ASIC5: variants seen among roughly 807,000 people sequenced by gnomAD.
ASIC5 encodes the protein bile acid-sensitive ion channel.
Under a neutral mutation model 51.2 loss-of-function variants are expected in ASIC5, and 52 were observed. The observed-to-expected ratio is 1.02, with a 90% CI of 0.81 to 1.28. The LOEUF (loss-of-function observed/expected upper bound fraction) is 1.28. Ranked by LOEUF, ASIC5 falls within the 50% of genes most tolerant of loss-of-function variation. The pLI is 0.00. For missense variants in ASIC5, 635 were observed against 595.0 expected (o/e 1.07, Z -0.70); for synonymous variants, 231 against 200.7 (o/e 1.15, Z -1.28).
At chr4:155,830,106 A>G in intron 9 of ASIC5, 60 bp from the exon 10 acceptor site, 2 of 1,268,426 alleles carry the variant, frequency 1.6e-6, no homozygotes, top group East Asian at 5.6e-5. Context: ...AAATATTATT[A>G]GAAGTTAAAT....
chr4:155,852,183 T>C lies in ASIC5; in HGVS notation c.711+8A>G, dbSNP rs1741396500. ...TCGTTTGTCTTGAACCTGGAGAAAA[T>C]TCAGTACCTGATTCACATTGAAGAG... On this transcript the variant is annotated splice_region_variant and intron_variant, in intron 4 of 9. Transcript: ENST00000537611. The C allele has an allele frequency of 6.2e-7, 1 of 1,611,820 alleles. No homozygotes were observed.
At chr4:155,841,615 A>C (rs1741122941) in intron 6 of ASIC5, among the ~76,000 whole-genome samples, 1 of 152,184 alleles carries the variant, frequency 6.6e-6, no homozygotes, top group African/African-American at 2.4e-5. Context: ...TTAATTTTAC[A>C]GTCCCAAAGA....
At chr4:155,835,870 G>C (rs990180960) in intron 8 of ASIC5, among the ~76,000 whole-genome samples, 1 of 152,000 alleles carries the variant, frequency 6.6e-6, no homozygotes, top group African/African-American at 2.4e-5. Flanking sequence ...GCTAACATTG[G>C]AATCTAAGCA....
intron 8 of ASIC5, among the ~76,000 whole-genome samples, chr4:155,834,662 C>T (rs2111225554): frequency 6.6e-6 from 1 of 152,210 alleles, no homozygotes; most frequent in East Asian, 1.9e-4. Context: ...GGTTCCCTGG[C>T]AAAGGCCCAC....
chr4:155,853,366 A>G (rs997981441), intron 3 of ASIC5, among the ~76,000 whole-genome samples: 1 of 151,950 alleles, frequency 6.6e-6, no homozygotes, highest in Non-Finnish European at 1.5e-5. Flanking sequence ...AGGTTCCCCT[A>G]ACAACACAGG....
intron 2 of ASIC5, among the ~76,000 whole-genome samples, chr4:155,863,147 A>T (rs1741757139): frequency 6.6e-6 from 1 of 152,128 alleles, no homozygotes; most frequent in Non-Finnish European, 1.5e-5. Flanking sequence ...GTTTGAGAAT[A>T]GTCTGGGCAA....
intron 8 of ASIC5, among the ~76,000 whole-genome samples, chr4:155,836,109 C>T (rs1365047666): frequency 6.6e-6 from 1 of 152,126 alleles, no homozygotes; most frequent in Non-Finnish European, 1.5e-5. Context: ...TTTTAAGAGG[C>T]TGTATGGTAT....
In ASIC5 at chr4:155,844,224, G is replaced by T. The variant is rs1170155625; in HGVS notation, c.712-394C>A. 3.3e-5 allele frequency among the ~76,000 whole-genome samples: 5 copies of T among 151,952 alleles called. No homozygotes were observed. In the East Asian group the frequency reaches 9.7e-4, roughly 29 times the overall value. ...AGCCCAAACCAATAGGACGATTGCT[G>T]AACTCCAGGAACTCTTTCCTCCAGG... is the stretch of plus-strand genomic sequence containing the variant. On this transcript the variant is annotated intron_variant, in intron 4 of 9. Transcript: ENST00000537611.
intron 3 of ASIC5, among the ~76,000 whole-genome samples, chr4:155,853,288 T>C (rs1741427789): frequency 6.6e-6 from 1 of 151,980 alleles, no homozygotes; most frequent in African/African-American, 2.4e-5. Flanking sequence ...TTCTGCTTAC[T>C]GTGTGCTAAG....
At chr4:155,859,894 G>T (rs961024835) in intron 2 of ASIC5, among the ~76,000 whole-genome samples, 1 of 151,930 alleles carries the variant, frequency 6.6e-6, no homozygotes, top group Non-Finnish European at 1.5e-5. Context: ...TTGCTTCAGG[G>T]GAAGACTCCT....
chr4:155,848,777 GCTAAAATGTTCATGAGTATTAAACAGAA>G (rs1390193956), intron 4 of ASIC5, among the ~76,000 whole-genome samples: 2 of 152,066 alleles, frequency 1.3e-5, no homozygotes, highest in Non-Finnish European at 2.9e-5. Flanking sequence ...CTCATGGAGA[GCTAAAATGTTCATGAGTATTAAACAGAA>G]CAGGAATTAA....
intron 8 of ASIC5, among the ~76,000 whole-genome samples, chr4:155,835,243 C>G (rs1740950547): frequency 6.6e-6 from 1 of 152,102 alleles, no homozygotes; most frequent in Non-Finnish European, 1.5e-5. Context: ...TAGACACTAC[C>G]ATGGGGTAGG....
chr4:155,861,776 C>G (rs548186741), intron 2 of ASIC5, among the ~76,000 whole-genome samples: 1 of 152,088 alleles, frequency 6.6e-6, no homozygotes, highest in East Asian at 1.9e-4. Flanking sequence ...AAAACCTTAT[C>G]AATTTCTGCT....
intron 7 of ASIC5, among the ~76,000 whole-genome samples, chr4:155,837,580 C>T (rs1335046496): frequency 3.3e-5 from 5 of 152,128 alleles, no homozygotes; most frequent in African/African-American, 1.2e-4. Context: ...TACTGAAACC[C>T]TTTGTTCTCG....
intron 8 of ASIC5, among the ~76,000 whole-genome samples, chr4:155,833,012 C>G (rs1433307327): frequency 6.6e-6 from 1 of 152,170 alleles, no homozygotes; most frequent in Non-Finnish European, 1.5e-5. Flanking sequence ...TCTCACAGCA[C>G]TTAATGCCAT....
chr4:155,851,118 C>A (rs1440037085), intron 4 of ASIC5, among the ~76,000 whole-genome samples: 2 of 152,070 alleles, frequency 1.3e-5, no homozygotes, highest in East Asian at 3.9e-4. Flanking sequence ...TGGAACATTG[C>A]ATTGAATTTG....
intron 4 of ASIC5, among the ~76,000 whole-genome samples, chr4:155,845,920 T>C (rs2111244775): frequency 6.6e-6 from 1 of 152,104 alleles, no homozygotes. Context: ...TCTGAATGTC[T>C]AAGATAGGAA....
chr4:155,859,869 A>C (rs2125794), intron 2 of ASIC5, among the ~76,000 whole-genome samples: 143,457 of 152,056 alleles, frequency 0.94, 67,985 homozygotes, highest in East Asian at 1. Context: ...CTAACATAGG[A>C]ATACAAATTG....
At chr4:155,845,716 T>G (rs985868453) in intron 4 of ASIC5, among the ~76,000 whole-genome samples, 3 of 152,052 alleles carry the variant, frequency 2.0e-5, no homozygotes, top group Admixed American at 2.0e-4. Context: ...ATGATAGAGT[T>G]CTATAATTTT....
Sources: allele counts gnomAD v4.1 joint callset (sites outside exome capture counted in the v4.1 genomes callset), GRCh38; gene constraint gnomAD v4.1.1; transcripts MANE v1.5; gene names NCBI Gene and HGNC (gene_info 2026-07-23, HGNC 2026-07-21).